The following SLC6A7 variants were observed in gnomAD, a reference collection of about 807,000 sequenced individuals.
The protein encoded by SLC6A7 is sodium-dependent proline transporter.
A neutral mutation model predicts 73.1 loss-of-function variants in SLC6A7; 58 were observed. That is an observed-to-expected ratio of 0.79 (90% CI 0.64 to 0.99). SLC6A7 has a LOEUF of 0.99. SLC6A7 is among the 50% of genes least tolerant of loss of function. SLC6A7 has a pLI of 0.00. For missense variants in SLC6A7, 783 were observed against 831.4 expected (o/e 0.94, Z 0.72); for synonymous variants, 338 against 338.7 (o/e 1.00, Z 0.02).
At chr5:150,191,624 G>A (rs969498236) in intron 1 of SLC6A7, among the ~76,000 whole-genome samples, 1 of 152,020 alleles carries the variant, frequency 6.6e-6, no homozygotes, top group African/African-American at 2.4e-5. Flanking sequence ...TAGAGACGGG[G>A]TTTCACCGTG....
In SLC6A7 at chr5:150,203,901, C is replaced by A; in HGVS notation, c.1201-6C>A. 4.3e-6 allele frequency: 7 copies of A among 1,613,176 alleles called. No homozygotes were observed. Among genetic ancestry groups the A allele is most frequent in the Non-Finnish European group, 5.9e-6 (7 of 1,179,714 alleles). On this transcript the variant is annotated splice_polypyrimidine_tract_variant and splice_region_variant and intron_variant, in intron 9 of 13. Coordinates refer to ENST00000230671, the MANE Select transcript of SLC6A7 (RefSeq NM_014228.5). ...TTCTGACCCCCAGCCCCTCCTCTCT[C>A]CTCAGTTTGCTTTTCTGGAGACCAT...
At chr5:150,197,345 C>T (rs1753088013) in intron 4 of SLC6A7, 69 bp downstream of exon 4, 1 of 1,033,670 alleles carries the variant, frequency 9.7e-7, no homozygotes, top group Non-Finnish European at 1.4e-6. Flanking sequence ...AGAGGGCATC[C>T]CCCACAGTCT....
At position 150,197,311 on chromosome 5, in the gene SLC6A7, G is replaced by A. The variant is rs1473921643; in HGVS notation, c.584+35G>A. 2.8e-6 allele frequency: 4 copies of A among 1,422,526 alleles called. No individual in the cohort carries two copies. The South Asian group carries it at 5.1e-5, about 18-fold the overall frequency. 88.1% of individuals were successfully genotyped at this position (1,422,526 alleles called of 1,614,324 possible). A position where few individuals can be genotyped will look rare whatever the true frequency, so the allele number is the denominator to read the frequency against. On this transcript the variant is annotated intron_variant, in intron 4 of 13. Transcript: ENST00000230671. ...CTGCTGGCCCCGCGGCATCTGAGGG[G>A]ACCCTGCACTGCTGAGGGTGGCCAG...
chr5:150,197,000 A>G (rs761004330), intron 3 of SLC6A7, 42 bp from the exon 4 acceptor site: 1 of 1,583,352 alleles, frequency 6.3e-7, no homozygotes, highest in Non-Finnish European at 8.7e-7. Flanking sequence ...CGGCTGGCAG[A>G]GAGCTTGGCC....
chr5:150,198,121 G>GAAAGAAGGAAAGAA lies in SLC6A7; in HGVS notation c.584+851_584+852insGGAAAGAAAAAGAA, dbSNP rs1562085913. 3.0e-3 allele frequency among the ~76,000 whole-genome samples: 334 copies of GAAAGAAGGAAAGAA among 111,920 alleles called. 9 individuals are homozygous for GAAAGAAGGAAAGAA. Among genetic ancestry groups the GAAAGAAGGAAAGAA allele is most frequent in the East Asian group, 7.7e-3 (30 of 3,906 alleles). The allele number at this position is 111,920 out of a possible 152,430, so 73.4% of individuals were successfully genotyped here. A position where few individuals can be genotyped will look rare whatever the true frequency, so the allele number is the denominator to read the frequency against. On this transcript the variant is annotated intron_variant, in intron 4 of 13. Coordinates refer to ENST00000230671, the MANE Select transcript of SLC6A7 (RefSeq NM_014228.5). ...AAAGAAAGAAAGAAAGAAAGAGAAA[G>GAAAGAAGGAAAGAA]AAAGAAAGAAAGAAAGAAAGCAAAG...
rs1309708414 is a variant in SLC6A7 at position 150,209,918 on chromosome 5, T to C, written c.*303T>C. The C allele has an allele frequency of 2.4e-6, 1 of 414,106 alleles. No individual in the cohort carries two copies. Among genetic ancestry groups the C allele is most frequent in the East Asian group, 4.7e-5 (1 of 21,200 alleles). The allele number at this position is 414,106 out of a possible 1,614,324, so 25.7% of individuals were successfully genotyped here. A position where few individuals can be genotyped will look rare whatever the true frequency, so the allele number is the denominator to read the frequency against. ...GGGGAGGGACTTGCCCCAGGTCGCA[T>C]GGCAGAGGGGACTTGAACCCACGCC... On this transcript the variant is annotated 3_prime_UTR_variant, in exon 14 of 14. Coordinates refer to ENST00000230671, the MANE Select transcript of SLC6A7 (RefSeq NM_014228.5).
At chr5:150,204,794 G>T in intron 11 of SLC6A7, 33 bp from the exon 12 acceptor site, 1 of 1,501,356 alleles carries the variant, frequency 6.7e-7, no homozygotes, top group Non-Finnish European at 9.3e-7. Context: ...GGGCCGGCGG[G>T]TGGGGCCATT....
chr5:150,196,702 C>T lies in SLC6A7; in HGVS notation c.218-14C>T, dbSNP rs781530705. 4 of 1,610,440 alleles carry T rather than the reference C, an allele frequency of 2.5e-6. No individual in the cohort carries two copies. In the African/African-American group the frequency reaches 4.0e-5, roughly 16 times the overall value. ...TGCCCCCAAGGCCCTTGCTGACCAC[C>T]CCGCTCCCGGCAGGCGCCTTCCTCG... On this transcript the variant is annotated splice_polypyrimidine_tract_variant and intron_variant, in intron 2 of 13. Transcript: ENST00000230671.
chr5:150,200,372 A>G (rs1562089900), intron 5 of SLC6A7, among the ~76,000 whole-genome samples: 1 of 152,134 alleles, frequency 6.6e-6, no homozygotes, highest in Non-Finnish European at 1.5e-5. Flanking sequence ...AGGTGCCTGT[A>G]ATCCCAGCTA....
chr5:150,197,022 G>A lies in SLC6A7; in HGVS notation c.350-20G>A. On this transcript the variant is annotated intron_variant, in intron 3 of 13. Transcript: ENST00000230671. ...CAGAGAGCTTGGCCTGGGCAGCCCA[G>A]CAGCCTCTCCCCACACCAGGCGCCG... The A allele has an allele frequency of 2.5e-6, 4 of 1,607,754 alleles. No individual in the cohort carries two copies. Among genetic ancestry groups the A allele is most frequent in the Non-Finnish European group, 2.6e-6 (3 of 1,175,208 alleles).
At chr5:150,198,121 G>GGAAAGAA (rs1753169567) in intron 4 of SLC6A7, among the ~76,000 whole-genome samples, 7 of 111,842 alleles carry the variant, frequency 6.3e-5, no homozygotes, top group African/African-American at 1.9e-4. Context: ...GAAAGAGAAA[G>GGAAAGAA]AAAGAAAGAA....
chr5:150,197,008 G>T (rs1580856248), intron 3 of SLC6A7, 34 bp from the exon 4 acceptor site: 3 of 1,597,096 alleles, frequency 1.9e-6, no homozygotes, highest in East Asian at 4.5e-5. Flanking sequence ...AGAGAGCTTG[G>T]CCTGGGCAGC....
intron 8 of SLC6A7, 148 bp from the exon 9 acceptor site, chr5:150,203,519 A>C: frequency 1.7e-6 from 1 of 576,148 alleles, no homozygotes; most frequent in Non-Finnish European, 3.1e-6. Flanking sequence ...GGAGTTAAGG[A>C]AGTATCAGAG....
chr5:150,200,449 T>C (rs993377037), intron 5 of SLC6A7, among the ~76,000 whole-genome samples: 2 of 152,096 alleles, frequency 1.3e-5, no homozygotes, highest in Non-Finnish European at 1.5e-5. Context: ...GCCAAGATTG[T>C]GCCACTGCAC....
At position 150,204,719 on chromosome 5, in the gene SLC6A7, G is replaced by T. The variant is rs553766080; in HGVS notation, c.1432+88G>T. On this transcript the variant is annotated intron_variant, in intron 11 of 13. Coordinates refer to ENST00000230671, the MANE Select transcript of SLC6A7 (RefSeq NM_014228.5). The stretch of plus-strand genomic sequence containing the variant: ...GGGGAGCCCCAGTACCTGGGTCCCT[G>T]GTCCCAAGGGCCAGGGTTTCCAGTG... 2.6e-4 allele frequency: 347 copies of T among 1,353,492 alleles called. No homozygotes were observed. In the African/African-American group the frequency reaches 4.6e-3, roughly 18 times the overall value. 83.8% of individuals were successfully genotyped at this position (1,353,492 alleles called of 1,614,324 possible).
chr5:150,207,124 C>T (rs905840073), intron 13 of SLC6A7, among the ~76,000 whole-genome samples: 16 of 152,210 alleles, frequency 1.1e-4, no homozygotes, highest in Non-Finnish European at 1.8e-4. Context: ...TGAACCTCAG[C>T]TTCTCTGTCT....
At chr5:150,196,897 G>C (rs779517693) in intron 3 of SLC6A7, 50 bp downstream of exon 3, 7 of 1,586,692 alleles carry the variant, frequency 4.4e-6, no homozygotes, top group Non-Finnish European at 6.0e-6. Flanking sequence ...GTCTGGGGGA[G>C]GCAGGGAGGT....
intron 8 of SLC6A7, 92 bp downstream of exon 8, chr5:150,202,795 C>A: frequency 1.4e-6 from 2 of 1,434,100 alleles, no homozygotes; most frequent in Non-Finnish European, 9.5e-7. Flanking sequence ...TGGATGGGGG[C>A]CAGGCGCGGT....
chr5:150,191,826 C>G (rs2113963805), intron 1 of SLC6A7, among the ~76,000 whole-genome samples: 1 of 152,120 alleles, frequency 6.6e-6, no homozygotes, highest in East Asian at 1.9e-4. Flanking sequence ...TCCTTCTCTT[C>G]CCTCTCTGCC....
Sources: gnomAD v4.1 joint callset for allele counts (sites outside exome capture counted in the v4.1 genomes callset) on GRCh38, gnomAD v4.1.1 for gene constraint, MANE v1.5 for transcripts, NCBI Gene and HGNC (gene_info 2026-07-23, HGNC 2026-07-21) for gene names.